UVRAG: variants seen among roughly 807,000 people sequenced by gnomAD.
The protein encoded by UVRAG is UV radiation resistance-associated gene protein.
Under a neutral mutation model 78.0 loss-of-function variants are expected in UVRAG, and 19 were observed. That is an observed-to-expected ratio of 0.24 (90% CI 0.17 to 0.36). The LOEUF (loss-of-function observed/expected upper bound fraction) is 0.36, where lower values mean the gene tolerates loss of function less well. UVRAG is among the 10% of genes least tolerant of loss of function. The pLI, the probability that UVRAG is intolerant of heterozygous loss-of-function variation, is 1.00. For synonymous variants in UVRAG, 323 were observed against 324.6 expected, an observed-to-expected ratio of 1.00 and a Z score of 0.05; for missense variants, 740 against 853.8, an observed-to-expected ratio of 0.87 and a Z score of 1.66.
chr11:76,122,153 A>G (rs1952293245), intron 14 of UVRAG, among the ~76,000 whole-genome samples: 1 of 152,228 alleles, frequency 6.6e-6, no homozygotes, highest in African/African-American at 2.4e-5. Context: ...AAAAAGTACG[A>G]CATGCTATAA....
At chr11:75,848,124 G>A (rs912349456) in intron 1 of UVRAG, among the ~76,000 whole-genome samples, 1 of 151,894 alleles carries the variant, frequency 6.6e-6, no homozygotes, top group Admixed American at 6.6e-5. Flanking sequence ...CTTGAGCCTG[G>A]GAGGTTGAGG....
intron 1 of UVRAG, among the ~76,000 whole-genome samples, chr11:75,821,920 T>G (rs1224526321): frequency 6.6e-6 from 1 of 151,866 alleles, no homozygotes; most frequent in African/African-American, 2.4e-5. Flanking sequence ...TACGTACATA[T>G]TATTAACATG....
intron 13 of UVRAG, among the ~76,000 whole-genome samples, chr11:76,094,405 C>G (rs770041445): frequency 5.3e-5 from 8 of 152,052 alleles, no homozygotes; most frequent in Non-Finnish European, 1.2e-4. Context: ...CTCTTTTTCT[C>G]TTGATTGGAA....
At chr11:76,006,575 A>C (rs752494123) in intron 9 of UVRAG, among the ~76,000 whole-genome samples, 2 of 143,908 alleles carry the variant, frequency 1.4e-5, no homozygotes, top group Non-Finnish European at 3.0e-5. Context: ...TGAGAGGATC[A>C]GCTGAGCCCG....
intron 12 of UVRAG, among the ~76,000 whole-genome samples, chr11:76,055,375 T>C (rs941109149): frequency 6.6e-6 from 1 of 152,210 alleles, no homozygotes; most frequent in East Asian, 1.9e-4. Context: ...TACTATTAGC[T>C]AAACCTTTTG....
At chr11:76,012,742 A>T (rs1950072971) in intron 11 of UVRAG, among the ~76,000 whole-genome samples, 1 of 151,350 alleles carries the variant, frequency 6.6e-6, no homozygotes, top group South Asian at 2.1e-4. Context: ...ATGTCCAGTG[A>T]AGGGTGTTCA....
chr11:76,061,932 C>T (rs972904950), intron 12 of UVRAG, among the ~76,000 whole-genome samples: 4 of 152,138 alleles, frequency 2.6e-5, no homozygotes, highest in African/African-American at 9.7e-5. Context: ...TATTTGATTC[C>T]TCCTGTGTTA....
At chr11:76,012,657 A>T (rs1319377470) in intron 11 of UVRAG, among the ~76,000 whole-genome samples, 5 of 152,140 alleles carry the variant, frequency 3.3e-5, no homozygotes. Flanking sequence ...TAGTGCTCCA[A>T]CATTAGTGTG....
intron 13 of UVRAG, among the ~76,000 whole-genome samples, chr11:76,077,152 A>G (rs1308874945): frequency 2.0e-5 from 3 of 148,628 alleles, no homozygotes; most frequent in Non-Finnish European, 3.0e-5. Context: ...TATAAAATAT[A>G]TAATATATGT....
At chr11:76,023,857 A>G (rs1007489058) in intron 12 of UVRAG, among the ~76,000 whole-genome samples, 41 of 151,906 alleles carry the variant, frequency 2.7e-4, no homozygotes, top group African/African-American at 9.4e-4. Flanking sequence ...TTTTCTTTTT[A>G]GATGTTTCCC....
Position 75,861,585 on chromosome 11 carries a change from ACT to A in UVRAG, c.236-160_236-159del, listed in dbSNP as rs367893611. On this transcript the variant is annotated intron_variant, in intron 2 of 14. Coordinates refer to ENST00000356136, the MANE Select transcript of UVRAG (RefSeq NM_003369.4). ...TTTAAAACACTTTCATTGAATTTTT[ACT>A]TTTTTTTTTAACAGATAAAGATATA... Among the ~76,000 whole-genome samples the A allele has an allele frequency of 6.3e-3, 957 of 151,902 alleles. 10 individuals are homozygous for A. The highest frequency in any genetic ancestry group is 0.02 in the African/African-American group (837 of 41,386).
intron 12 of UVRAG, among the ~76,000 whole-genome samples, chr11:76,047,652 T>A (rs1591174423): frequency 6.6e-6 from 1 of 152,338 alleles, no homozygotes; most frequent in East Asian, 1.9e-4. Flanking sequence ...GGCTACTAGG[T>A]ATAGCTGTTA....
At chr11:75,862,529 A>C (rs1201057768) in intron 3 of UVRAG, among the ~76,000 whole-genome samples, 1 of 151,858 alleles carries the variant, frequency 6.6e-6, no homozygotes, top group Non-Finnish European at 1.5e-5. Flanking sequence ...TTCCGCACTC[A>C]TTGTGTTCCA....
intron 6 of UVRAG, among the ~76,000 whole-genome samples, chr11:75,950,963 TACACACACACACACACACACAC>T (rs35864936): frequency 6.9e-4 from 97 of 140,050 alleles, no homozygotes; most frequent in Non-Finnish European, 1.3e-3. Flanking sequence ...TTGTCAGGTG[TACACACACACACACACACACAC>T]ACACACACAC....
At chr11:76,061,170 T>C (rs924341413) in intron 12 of UVRAG, among the ~76,000 whole-genome samples, 3 of 152,198 alleles carry the variant, frequency 2.0e-5, no homozygotes, top group Non-Finnish European at 4.4e-5. Flanking sequence ...AATGCACCAG[T>C]CCACACTCTG....
chr11:76,136,260 AT>A (rs1952595576), intron 14 of UVRAG, among the ~76,000 whole-genome samples: 1 of 152,180 alleles, frequency 6.6e-6, no homozygotes, highest in Admixed American at 6.5e-5. Flanking sequence ...AATCAAAATT[AT>A]TTTATTAAAA....
chr11:75,878,770 A>G (rs1024740349), intron 3 of UVRAG, among the ~76,000 whole-genome samples: 9 of 152,184 alleles, frequency 5.9e-5, no homozygotes, highest in South Asian at 4.2e-4. Context: ...CTGAGGCAGG[A>G]GAATCAGGCA....
At chr11:76,080,580 A>G (rs531056704) in intron 13 of UVRAG, among the ~76,000 whole-genome samples, 9 of 152,254 alleles carry the variant, frequency 5.9e-5, no homozygotes, top group Admixed American at 4.6e-4. Context: ...AAATGGTACA[A>G]ATGGTTAATG....
intron 5 of UVRAG, among the ~76,000 whole-genome samples, chr11:75,902,051 G>A (rs1334751948): frequency 6.6e-6 from 1 of 152,222 alleles, no homozygotes; most frequent in Non-Finnish European, 1.5e-5. Flanking sequence ...GACAGTGTCT[G>A]TTTTCACCTG....
Sources: allele counts gnomAD v4.1 joint callset (sites outside exome capture counted in the v4.1 genomes callset), GRCh38; gene constraint gnomAD v4.1.1; transcripts MANE v1.5; gene names NCBI Gene and HGNC (gene_info 2026-07-23, HGNC 2026-07-21).